Variants in GABRA4 observed in about 807,000 individuals in gnomAD.
GABRA4 encodes the protein gamma-aminobutyric acid receptor subunit alpha-4.
In GABRA4, 12 loss-of-function variants were observed where a neutral mutation model predicts 49.7. The observed-to-expected ratio is 0.24, with a 90% confidence interval of 0.15 to 0.39. The LOEUF is 0.39. GABRA4 is among the 10% of genes least tolerant of loss of function. GABRA4 has a pLI of 1.00. For synonymous variants in GABRA4, 288 were observed against 240.2 expected (o/e 1.20, Z -1.84); for missense variants, 506 against 686.0 (o/e 0.74, Z 2.93).
At chr4:46,991,425 G>A (rs1044440494) in intron 2 of GABRA4, among the ~76,000 whole-genome samples, 5 of 152,206 alleles carry the variant, frequency 3.3e-5, no homozygotes, top group African/African-American at 9.6e-5. Flanking sequence ...TGCCCATAAA[G>A]GTTTTAAACT....
intron 8 of GABRA4, among the ~76,000 whole-genome samples, chr4:46,935,031 G>A (rs951574020): frequency 2.0e-5 from 3 of 152,166 alleles, no homozygotes; most frequent in African/African-American, 4.8e-5. Context: ...CTTATTCAAT[G>A]TAGAAAAGCA....
chr4:46,975,122 C>A (rs1219171345), intron 5 of GABRA4, among the ~76,000 whole-genome samples: 1 of 151,972 alleles, frequency 6.6e-6, no homozygotes, highest in Non-Finnish European at 1.5e-5. Flanking sequence ...TACCAGTCTA[C>A]CCATAACAGA....
chr4:46,986,529 A>T lies in GABRA4; in HGVS notation c.205+6299T>A, dbSNP rs549101003. ...CTCCTTTTAAGTCTTCTTGGGACAA[A>T]GATTCCTCCTCTCCTCTCTGGAGCC... On this transcript the variant is annotated intron_variant, in intron 2 of 8. Transcript: ENST00000264318. 7.9e-5 allele frequency among the ~76,000 whole-genome samples: 12 copies of T among 152,142 alleles called. No individual in the cohort carries two copies. In the East Asian group the frequency reaches 2.1e-3, roughly 27 times the overall value.
rs894717149 is a variant in GABRA4, at chr4:46,927,520, A to G, written c.*705T>C. 2.0e-5 allele frequency: 3 copies of G among 152,530 alleles called. No homozygotes were observed. The highest frequency in any genetic ancestry group is 4.4e-5 in the Non-Finnish European group (3 of 68,002). The allele number at this position is 152,530 out of a possible 1,614,324, so 9.4% of individuals were successfully genotyped here. ...GGAACACAGTAGGCTCTGAATAACTATGTAGTAAATAAACACATAACTGAA... is the reference window on the plus strand; with the variant it reads ...GGAACACAGTAGGCTCTGAATAACTGTGTAGTAAATAAACACATAACTGAA... On this transcript the variant is annotated 3_prime_UTR_variant, in exon 9 of 9. Transcript: ENST00000264318.
chr4:46,920,392 C>T lies in GABRA4; in HGVS notation c.*7833G>A, dbSNP rs149815272. The T allele has an allele frequency of 6.4e-4, 96 of 150,940 alleles. No individual in the cohort carries two copies. Among genetic ancestry groups the T allele is most frequent in the African/African-American group, 2.2e-3 (89 of 41,222 alleles). 9.4% of individuals were successfully genotyped at this position (150,940 alleles called of 1,614,324 possible). A position where few individuals can be genotyped will look rare whatever the true frequency, so the allele number is the denominator to read the frequency against. ...CTATAGTAATAATAAAAATGAGACA[C>T]ATATGAGAAAATATAAAATATGAGA... On this transcript the variant is annotated 3_prime_UTR_variant, in exon 9 of 9. Transcript: ENST00000264318.
At position 46,971,219 on chromosome 4, in the gene GABRA4, C is replaced by G. The variant is rs765390180; in HGVS notation, c.738G>C (p.Met246Ile). 1 of 1,609,432 alleles carries G rather than the reference C, an allele frequency of 6.2e-7. No individual in the cohort carries two copies. Among genetic ancestry groups the G allele is most frequent in the Non-Finnish European group, 8.5e-7 (1 of 1,176,872 alleles). ...IKSITGEYIVMTVYFHLRRKM... is the reference protein window; with the variant it reads ...IKSITGEYIVITVYFHLRRKM... ...TCCGTCTGAGGTGGAAGTAAACCGT[C>G]ATAACAATATATTCACCTGCCAAGA... The change falls in exon 7 of 9, where the codon ATG becomes ATC. Residue 246 changes from methionine (M) to isoleucine (I), a missense_variant. Met to Ile is a conservative substitution (Grantham distance 10). Coordinates refer to ENST00000264318, the MANE Select transcript of GABRA4 (RefSeq NM_000809.4).
intron 2 of GABRA4, among the ~76,000 whole-genome samples, chr4:46,989,418 G>A (rs1723662048): frequency 6.6e-6 from 1 of 152,150 alleles, no homozygotes; most frequent in African/African-American, 2.4e-5. Flanking sequence ...GAGGTTGAGA[G>A]GACTACATCC....
intron 3 of GABRA4, 104 bp downstream of exon 3, chr4:46,978,927 T>C (rs1723250998): frequency 4.0e-6 from 3 of 759,274 alleles, no homozygotes; most frequent in Non-Finnish European, 7.0e-6. Context: ...ATTCTTTAGG[T>C]TTCTGGCTTT....
chr4:46,984,332 A>C (rs896336007), intron 2 of GABRA4, among the ~76,000 whole-genome samples: 10 of 152,218 alleles, frequency 6.6e-5, no homozygotes, highest in African/African-American at 2.4e-5. Flanking sequence ...GGATACAACA[A>C]GGAATCCTAA....
In GABRA4 at chr4:46,965,004, A is replaced by C. The variant is rs537260904; in HGVS notation, c.1100T>G (p.Val367Gly). The C allele has an allele frequency of 2.5e-6, 4 of 1,611,638 alleles. No individual in the cohort carries two copies. In the African/African-American group the frequency reaches 4.0e-5, roughly 16 times the overall value. The change falls in exon 8 of 9, where the codon GTG becomes GGG. Residue 367 changes from valine to glycine, a missense_variant. By Grantham distance (109) the Val-to-Gly change is moderately radical. Around this residue, in one of 5 missense-constraint regions of GABRA4, gnomAD observed 243 missense variants for 210.8 expected, o/e 1.15. Transcript: ENST00000264318. ...GGCTTCAGGATGCTTCTCTCTCTGCACTGGAGCAGCGGGAACTTCCTGAGG... is the reference window on the plus strand; with the variant it reads ...GGCTTCAGGATGCTTCTCTCTCTGCCCTGGAGCAGCGGGAACTTCCTGAGG... ...KPPQEVPAAPVQREKHPEAPL... is the reference protein window; with the variant it reads ...KPPQEVPAAPGQREKHPEAPL...
intron 8 of GABRA4, among the ~76,000 whole-genome samples, chr4:46,960,167 G>GA (rs1175706152): frequency 6.6e-6 from 1 of 151,128 alleles, no homozygotes; most frequent in Non-Finnish European, 1.5e-5. Flanking sequence ...AGAATTTGAG[G>GA]AAAAAACATT....
chr4:46,984,922 C>T (rs750966299), intron 2 of GABRA4, among the ~76,000 whole-genome samples: 10 of 151,908 alleles, frequency 6.6e-5, no homozygotes, highest in Non-Finnish European at 8.8e-5. Flanking sequence ...CCAGAAAATC[C>T]ATTTCTTGAT....
At chr4:46,992,332 G>A (rs1560487156) in intron 2 of GABRA4, among the ~76,000 whole-genome samples, 1 of 152,224 alleles carries the variant, frequency 6.6e-6, no homozygotes, top group African/African-American at 2.4e-5. Flanking sequence ...GAAAAGGAAA[G>A]GACTGGGTTC....
At chr4:46,975,512 TG>T (rs1431745887) in intron 5 of GABRA4, among the ~76,000 whole-genome samples, 1 of 151,958 alleles carries the variant, frequency 6.6e-6, no homozygotes, top group Non-Finnish European at 1.5e-5. Flanking sequence ...ATTGTAAGCA[TG>T]GGGGTTTTAA....
intron 2 of GABRA4, among the ~76,000 whole-genome samples, chr4:46,987,788 T>C (rs1355303583): frequency 1.3e-5 from 2 of 152,100 alleles, no homozygotes; most frequent in Non-Finnish European, 2.9e-5. Context: ...ATTGCCCTAC[T>C]TCCTTTTCTA....
chr4:46,925,248 C>T lies in GABRA4; in HGVS notation c.*2977G>A, dbSNP rs1721177278. 6.6e-6 allele frequency: 1 copy of T among 151,900 alleles called. No homozygotes were observed. The highest frequency in any genetic ancestry group is 2.1e-4 in the South Asian group (1 of 4,834). The allele number at this position is 151,900 out of a possible 1,614,324, so 9.4% of individuals were successfully genotyped here. On this transcript the variant is annotated 3_prime_UTR_variant, in exon 9 of 9. Transcript: ENST00000264318. ...AAAAAAAGTGTGACTCTACTCTCTA[C>T]CTACTTTAATACAAGATTTGTGAGG...
At chr4:46,958,844 T>C (rs1722460022) in intron 8 of GABRA4, among the ~76,000 whole-genome samples, 1 of 151,954 alleles carries the variant, frequency 6.6e-6, no homozygotes, top group Admixed American at 6.6e-5. Flanking sequence ...TGAATCAAAC[T>C]ACCAGTGAGT....
intron 2 of GABRA4, among the ~76,000 whole-genome samples, chr4:46,986,815 C>A (rs183319198): frequency 2.6e-5 from 4 of 152,168 alleles, no homozygotes; most frequent in South Asian, 2.1e-4. Flanking sequence ...GTGTTCAAAT[C>A]AAAAACTTTG....
In GABRA4 at chr4:46,928,001, TAA is replaced by T; in HGVS notation, c.*222_*223del. ...TTTCCAGGATGGTGTGTATTCTATC[TAA>T]CTGAATGCTGAGTTCTTTTAAAATA... On this transcript the variant is annotated 3_prime_UTR_variant, in exon 9 of 9. Coordinates refer to ENST00000264318, the MANE Select transcript of GABRA4 (RefSeq NM_000809.4). 15 of 432,394 alleles carry T rather than the reference TAA, an allele frequency of 3.5e-5. No homozygotes were observed. The highest frequency in any genetic ancestry group is 1.9e-4 in the South Asian group (6 of 31,904). The allele number at this position is 432,394 out of a possible 1,614,324, so 26.8% of individuals were successfully genotyped here.
Sources: allele counts gnomAD v4.1 joint callset (sites outside exome capture counted in the v4.1 genomes callset), GRCh38; gene constraint gnomAD v4.1.1; regional missense constraint gnomAD v4.1.1; transcripts MANE v1.5; gene names NCBI Gene and HGNC (gene_info 2026-07-23, HGNC 2026-07-21).